Variants in NEGR1 observed in about 807,000 individuals in gnomAD.
NEGR1 encodes the protein IgLON family member 4.
NEGR1 carries 10 observed loss-of-function variants against 40.9 expected under a neutral mutation model. The ratio of observed to expected loss-of-function variants is 0.24; its 90% CI spans 0.15 to 0.42. The LOEUF is 0.42. NEGR1 is among the 10% of genes least tolerant of loss of function. The pLI is 1.00. For synonymous variants in NEGR1, 185 were observed against 166.8 expected, an observed-to-expected ratio of 1.11 and a Z score of -0.84; for missense variants, 352 against 438.9, an observed-to-expected ratio of 0.80 and a Z score of 1.77.
chr1:71,927,855 A>AGGCAGAGT lies in NEGR1; in HGVS notation c.409+7216_409+7223dup, dbSNP rs147895793. On this transcript the variant is annotated intron_variant, in intron 2 of 6. Coordinates refer to ENST00000357731, the MANE Select transcript of NEGR1 (RefSeq NM_173808.3). Reference sequence around the variant, plus strand: ...AAAAAAAAAAAAAAAAAAAAAAGCCAGGCAGAGTGGTGTGCACCTGTAGTC... The same window carrying AGGCAGAGT: ...AAAAAAAAAAAAAAAAAAAAAAGCCAGGCAGAGTGGCAGAGTGGTGTGCACCTGTAGTC... Among the ~76,000 whole-genome samples, 557 of 128,870 alleles carry AGGCAGAGT rather than the reference A, an allele frequency of 4.3e-3. 6 individuals are homozygous for AGGCAGAGT. Among genetic ancestry groups the AGGCAGAGT allele is most frequent in the Non-Finnish European group, 7.4e-3 (453 of 61,524 alleles). The allele number at this position is 128,870 out of a possible 152,430, so 84.5% of individuals were successfully genotyped here. A position where few individuals can be genotyped will look rare whatever the true frequency, so the allele number is the denominator to read the frequency against.
intron 6 of NEGR1, among the ~76,000 whole-genome samples, chr1:71,455,405 C>T (rs1289870279): frequency 6.6e-6 from 1 of 152,148 alleles, no homozygotes; most frequent in African/African-American, 2.4e-5. Flanking sequence ...ATCCTGTAAG[C>T]TTTAAGCAAA....
intron 3 of NEGR1, among the ~76,000 whole-genome samples, chr1:71,702,401 G>C (rs935087800): frequency 3.9e-5 from 6 of 151,900 alleles, no homozygotes. Flanking sequence ...ATAACTTAAA[G>C]GAAGATTTCT....
At chr1:71,688,275 G>GAAAAC (rs1190479648) in intron 4 of NEGR1, among the ~76,000 whole-genome samples, 1 of 130,378 alleles carries the variant, frequency 7.7e-6, no homozygotes, top group African/African-American at 2.9e-5. Flanking sequence ...ACATTGCCCG[G>GAAAAC]AAAACAAAGG....
chr1:71,677,400 A>T (rs1402221752), intron 4 of NEGR1, among the ~76,000 whole-genome samples: 1 of 152,204 alleles, frequency 6.6e-6, no homozygotes, highest in African/African-American at 2.4e-5. Flanking sequence ...ATGATTATGT[A>T]CTATAATTAA....
At chr1:71,878,450 A>G (rs1025828543) in intron 2 of NEGR1, among the ~76,000 whole-genome samples, 1 of 152,180 alleles carries the variant, frequency 6.6e-6, no homozygotes. Context: ...GTTCTCAGGA[A>G]TGTTGTTATT....
At position 71,970,098 on chromosome 1, in the gene NEGR1, G is replaced by T. The variant is rs138782674; in HGVS notation, c.177-34787C>A. Among the ~76,000 whole-genome samples, 438 of 152,258 alleles carry T rather than the reference G, an allele frequency of 2.9e-3. 2 individuals carry two copies. The highest frequency in any genetic ancestry group is 0.01 in the Middle Eastern group (3 of 294). On this transcript the variant is annotated intron_variant, in intron 1 of 6. Coordinates refer to ENST00000357731, the MANE Select transcript of NEGR1 (RefSeq NM_173808.3). ...CCAAACCTATTCAGGGATATCAGAA[G>T]AAACAGCCTAGCAGAAGTGGCAAGG...
intron 1 of NEGR1, among the ~76,000 whole-genome samples, chr1:72,269,841 A>G (rs1038646000): frequency 1.3e-5 from 2 of 151,730 alleles, no homozygotes; most frequent in African/African-American, 4.8e-5. Context: ...ATATGCATAT[A>G]TAATATATAG....
intron 4 of NEGR1, among the ~76,000 whole-genome samples, chr1:71,690,877 AAC>A (rs1021980285): frequency 2.6e-5 from 4 of 151,958 alleles, no homozygotes; most frequent in Admixed American, 6.6e-5. Flanking sequence ...AAACAAAATA[AAC>A]ACAGGCTCCC....
intron 1 of NEGR1, among the ~76,000 whole-genome samples, chr1:72,111,678 C>T (rs904808999): frequency 7.3e-5 from 11 of 151,594 alleles, no homozygotes; most frequent in African/African-American, 2.2e-4. Flanking sequence ...CTTTCCTTTT[C>T]GAAATGAGAA....
rs202070801 is a variant in NEGR1, at chr1:71,799,046, GT to G, written c.410-22750del. On this transcript the variant is annotated intron_variant, in intron 2 of 6. Coordinates refer to ENST00000357731, the MANE Select transcript of NEGR1 (RefSeq NM_173808.3). ...GGGAAAAGATCTTGTATTGAATGGT[GT>G]TTTTTTTTTTTTATTATACTAAGTT... is the stretch of plus-strand genomic sequence containing the variant. 7.2e-3 allele frequency among the ~76,000 whole-genome samples: 1,038 copies of G among 143,722 alleles called. 7 individuals carry two copies. Among genetic ancestry groups the G allele is most frequent in the African/African-American group, 0.022 (867 of 39,454 alleles). The allele number at this position is 143,722 out of a possible 152,430, so 94.3% of individuals were successfully genotyped here.
chr1:72,195,681 T>C (rs1424611240), intron 1 of NEGR1, among the ~76,000 whole-genome samples: 2 of 152,120 alleles, frequency 1.3e-5, no homozygotes, highest in East Asian at 3.9e-4. Flanking sequence ...CATATAGCTT[T>C]ATTACTCTAT....
chr1:72,242,094 G>A (rs1654763722), intron 1 of NEGR1, among the ~76,000 whole-genome samples: 1 of 151,610 alleles, frequency 6.6e-6, no homozygotes, highest in Admixed American at 6.6e-5. Flanking sequence ...TACATTAATG[G>A]TGAAATTATG....
intron 6 of NEGR1, among the ~76,000 whole-genome samples, chr1:71,505,853 G>A (rs964355672): frequency 6.6e-6 from 1 of 152,108 alleles, no homozygotes; most frequent in Non-Finnish European, 1.5e-5. Flanking sequence ...GTTACAATAT[G>A]TAAATGATCT....
At chr1:72,060,859 T>A (rs1647161243) in intron 1 of NEGR1, among the ~76,000 whole-genome samples, 1 of 151,576 alleles carries the variant, frequency 6.6e-6, no homozygotes, top group Non-Finnish European at 1.5e-5. Flanking sequence ...ATTGATTTAC[T>A]TTCTGGATAG....
intron 1 of NEGR1, among the ~76,000 whole-genome samples, chr1:71,945,029 T>G (rs1646004972): frequency 1.3e-5 from 2 of 152,268 alleles, no homozygotes; most frequent in South Asian, 4.1e-4. Context: ...AACTTTATAT[T>G]TTTGAAAGAT....
intron 1 of NEGR1, among the ~76,000 whole-genome samples, chr1:72,080,208 T>G (rs1327705815): frequency 6.6e-6 from 1 of 152,122 alleles, no homozygotes; most frequent in East Asian, 1.9e-4. Flanking sequence ...ATCAGGGTGA[T>G]TTTGAAGTTT....
intron 1 of NEGR1, chr1:72,274,417 C>A (rs1424674511): frequency 6.2e-6 from 3 of 483,468 alleles, no homozygotes; most frequent in Non-Finnish European, 1.1e-5. Context: ...TCTCCTGAAC[C>A]TCAAGAGGAC....
At position 72,051,735 on chromosome 1, in the gene NEGR1, A is replaced by C. The variant is rs186110355; in HGVS notation, c.177-116424T>G. Reference sequence around the variant, plus strand: ...GAAAGGAGCTCCCCACAAGACTGTGACTCACTATTTTCTAAGCTGTCATAT... The same window carrying C: ...GAAAGGAGCTCCCCACAAGACTGTGCCTCACTATTTTCTAAGCTGTCATAT... On this transcript the variant is annotated intron_variant, in intron 1 of 6. Coordinates refer to ENST00000357731, the MANE Select transcript of NEGR1 (RefSeq NM_173808.3). Among the ~76,000 whole-genome samples, 402 of 151,506 alleles carry C rather than the reference A, an allele frequency of 2.7e-3. 2 individuals carry two copies. Among genetic ancestry groups the C allele is most frequent in the Non-Finnish European group, 2.9e-3 (196 of 67,592 alleles).
intron 6 of NEGR1, among the ~76,000 whole-genome samples, chr1:71,411,216 T>C (rs1283512855): frequency 1.3e-5 from 2 of 152,152 alleles, no homozygotes; most frequent in African/African-American, 4.8e-5. Context: ...TCTTTTCCTT[T>C]TGTATTTTGC....
Sources: allele counts gnomAD v4.1 joint callset (sites outside exome capture counted in the v4.1 genomes callset), GRCh38; gene constraint gnomAD v4.1.1; transcripts MANE v1.5; gene names NCBI Gene and HGNC (gene_info 2026-07-23, HGNC 2026-07-21).